Variants in LRP1B observed in about 807,000 individuals in gnomAD.
LRP1B encodes the protein low-density lipoprotein receptor-related protein 1B.
Under a neutral mutation model 556.6 loss-of-function variants are expected in LRP1B, and 217 were observed. The observed-to-expected ratio is 0.39, with a 90% CI of 0.35 to 0.44. The LOEUF is 0.44. Among genes scored for constraint, LRP1B ranks in the 20% least tolerant of loss-of-function variants. LRP1B has a pLI of 1.00. For synonymous variants in LRP1B, 2,047 were observed against 1,865.8 expected (o/e 1.10, Z -2.50); for missense variants, 5,053 against 5,620.8 (o/e 0.90, Z 3.23).
intron 3 of LRP1B, among the ~76,000 whole-genome samples, chr2:141,415,265 G>A (rs967677503): frequency 1.1e-4 from 16 of 152,010 alleles, no homozygotes; most frequent in Admixed American, 2.0e-4. Context: ...CGCCTGCCTC[G>A]GCCTCCCAAA....
chr2:140,610,293 C>A (rs1445747489), intron 41 of LRP1B, among the ~76,000 whole-genome samples: 1 of 152,104 alleles, frequency 6.6e-6, no homozygotes, highest in Non-Finnish European at 1.5e-5. Flanking sequence ...GTTCCAGGTA[C>A]AGAGCAAGCA....
At chr2:140,473,950 G>A (rs1014247506) in intron 60 of LRP1B, among the ~76,000 whole-genome samples, 1 of 151,808 alleles carries the variant, frequency 6.6e-6, no homozygotes, top group South Asian at 2.1e-4. Context: ...TCCTTTTGCT[G>A]TAATTAAAAT....
chr2:140,436,521 C>A (rs1382173060), intron 66 of LRP1B, among the ~76,000 whole-genome samples: 1 of 151,560 alleles, frequency 6.6e-6, no homozygotes, highest in African/African-American at 2.4e-5. Context: ...CATCTGGGAT[C>A]AAATAAGTAT....
intron 2 of LRP1B, among the ~76,000 whole-genome samples, chr2:141,767,712 C>T (rs1191683284): frequency 6.6e-6 from 1 of 152,146 alleles, no homozygotes; most frequent in Admixed American, 6.5e-5. Context: ...TGACATTAAA[C>T]TCATAGCCTG....
intron 3 of LRP1B, among the ~76,000 whole-genome samples, chr2:141,263,194 A>C (rs186891654): frequency 5.9e-5 from 9 of 152,174 alleles, no homozygotes; most frequent in African/African-American, 1.4e-4. Flanking sequence ...CAATCAATCA[A>C]ATATGATGAA....
chr2:141,927,106 G>A (rs1232371965), intron 1 of LRP1B, among the ~76,000 whole-genome samples: 1 of 151,970 alleles, frequency 6.6e-6, no homozygotes, highest in Non-Finnish European at 1.5e-5. Context: ...AATACTATGT[G>A]GCATATACTA....
intron 20 of LRP1B, among the ~76,000 whole-genome samples, 190 bp from the exon 21 acceptor site, chr2:140,923,337 T>A (rs995725909): frequency 6.6e-6 from 1 of 152,114 alleles, no homozygotes; most frequent in Non-Finnish European, 1.5e-5. Flanking sequence ...CTAATTCATT[T>A]AAATAACATT....
chr2:141,850,583 G>GTGTA (rs150526204), intron 1 of LRP1B, among the ~76,000 whole-genome samples: 27 of 142,710 alleles, frequency 1.9e-4, no homozygotes, highest in African/African-American at 5.2e-4. Flanking sequence ...ATGTGTGTAT[G>GTGTA]TATATATATA....
intron 86 of LRP1B, among the ~76,000 whole-genome samples, chr2:140,265,341 A>C (rs1682150762): frequency 6.6e-6 from 1 of 152,114 alleles, no homozygotes; most frequent in Non-Finnish European, 1.5e-5. Flanking sequence ...AAATGTAAAA[A>C]TGTCCCCCAA....
intron 2 of LRP1B, among the ~76,000 whole-genome samples, chr2:141,778,900 AAGC>A (rs1188253851): frequency 6.6e-6 from 1 of 152,198 alleles, no homozygotes; most frequent in Non-Finnish European, 1.5e-5. Flanking sequence ...GTAAATTACT[AAGC>A]AGAAGTCCAG....
chr2:140,529,621 G>C (rs752536891), intron 47 of LRP1B, among the ~76,000 whole-genome samples: 1 of 151,802 alleles, frequency 6.6e-6, no homozygotes, highest in African/African-American at 2.4e-5. Context: ...TCTTTCAAAG[G>C]TTTGCTATGA....
At chr2:141,364,856 T>C (rs1461893837) in intron 3 of LRP1B, among the ~76,000 whole-genome samples, 2 of 152,218 alleles carry the variant, frequency 1.3e-5, no homozygotes, top group African/African-American at 4.8e-5. Context: ...TGTAATTATA[T>C]GTATGCTTCC....
chr2:141,325,307 C>A (rs763955508), intron 3 of LRP1B, among the ~76,000 whole-genome samples: 8 of 152,050 alleles, frequency 5.3e-5, no homozygotes, highest in Non-Finnish European at 1.0e-4. Flanking sequence ...TTCTTGCACT[C>A]TATGATAATC....
chr2:141,719,012 A>C (rs1418945036), intron 2 of LRP1B, among the ~76,000 whole-genome samples: 1 of 152,182 alleles, frequency 6.6e-6, no homozygotes, highest in African/African-American at 2.4e-5. Context: ...ATTTAATGCA[A>C]GTTTCAAAGT....
chr2:141,567,394 C>A (rs1419601121), intron 2 of LRP1B, among the ~76,000 whole-genome samples: 2 of 152,010 alleles, frequency 1.3e-5, no homozygotes, highest in Non-Finnish European at 2.9e-5. Context: ...TTTCAAAGAA[C>A]AAAAACCAAT....
chr2:141,742,168 AG>A (rs1036190155), intron 2 of LRP1B, among the ~76,000 whole-genome samples: 24 of 151,068 alleles, frequency 1.6e-4, no homozygotes, highest in African/African-American at 5.6e-4. Flanking sequence ...TTTTTATGCC[AG>A]TACCATGCCA....
intron 7 of LRP1B, among the ~76,000 whole-genome samples, chr2:141,135,182 A>T (rs1701461026): frequency 6.6e-6 from 1 of 151,886 alleles, no homozygotes; most frequent in Admixed American, 6.6e-5. Context: ...TTAGTAAAAA[A>T]TTCTTATTAA....
chr2:140,262,499 A>G (rs1432544998), intron 86 of LRP1B, among the ~76,000 whole-genome samples: 1 of 152,158 alleles, frequency 6.6e-6, no homozygotes, highest in East Asian at 1.9e-4. Context: ...GAATCCAGGG[A>G]AGTCTGAATC....
chr2:140,365,165 G>T (rs1226790620), intron 71 of LRP1B, among the ~76,000 whole-genome samples: 1 of 151,342 alleles, frequency 6.6e-6, no homozygotes, highest in Non-Finnish European at 1.5e-5. Flanking sequence ...TTGGGGAAAA[G>T]ACATTTTTAG....
Sources: gnomAD v4.1 joint callset for allele counts (sites outside exome capture counted in the v4.1 genomes callset) on GRCh38, gnomAD v4.1.1 for gene constraint, MANE v1.5 for transcripts, NCBI Gene and HGNC (gene_info 2026-07-23, HGNC 2026-07-21) for gene names.